Variants in ZNF208 observed in about 807,000 individuals in gnomAD.
The protein encoded by ZNF208 is zinc finger protein 95.
A neutral mutation model predicts 12.1 loss-of-function variants in ZNF208; 10 were observed. The observed-to-expected ratio is 0.83, with a 90% CI of 0.51 to 1.40. The LOEUF (loss-of-function observed/expected upper bound fraction) is 1.40. Ranked by LOEUF, ZNF208 falls within the 40% of genes most tolerant of loss-of-function variation. The pLI, the probability that ZNF208 is intolerant of heterozygous loss-of-function variation, is 0.00. For synonymous variants in ZNF208, 497 were observed against 488.4 expected, an observed-to-expected ratio of 1.02 and a Z score of -0.23; for missense variants, 1,652 against 1,485.0, an observed-to-expected ratio of 1.11 and a Z score of -1.85.
At chr19:22,006,531 T>C (rs1483778456) in intron 1 of ZNF208, among the ~76,000 whole-genome samples, 1 of 152,194 alleles carries the variant, frequency 6.6e-6, no homozygotes, top group Non-Finnish European at 1.5e-5. Context: ...TAACCTTAAC[T>C]GCATCTGCCT....
downstream of ZNF208, chr19:21,966,010 A>C (rs1390220274): frequency 6.6e-6 from 1 of 152,052 alleles, no homozygotes; most frequent in Non-Finnish European, 1.5e-5. Flanking sequence ...AGAAACATTC[A>C]CCACCATGCC....
intron 4 of ZNF208, chr19:21,940,314 T>A (rs577563213): frequency 5.9e-5 from 9 of 152,318 alleles, no homozygotes; most frequent in Non-Finnish European, 1.0e-4. Flanking sequence ...TATTATTGTT[T>A]AGTTGATAGA....
chr19:21,992,009 G>A (rs1254256470), intron 1 of ZNF208, among the ~76,000 whole-genome samples: 3 of 150,944 alleles, frequency 2.0e-5, no homozygotes, highest in African/African-American at 7.4e-5. Context: ...GTAATTGAAT[G>A]AGCCTGTGTT....
rs140868022 is a variant in ZNF208 at position 21,990,032 on chromosome 19, T to C, written c.4-1123A>G. On this transcript the variant is annotated intron_variant, in intron 1 of 3. Transcript: ENST00000397126. ...CGAAAATTTTCTCCTGTTTTGTAGG[T>C]TGCCTGTTCACTCTGATGGTAGTTT... Among the ~76,000 whole-genome samples, 236 of 152,288 alleles carry C rather than the reference T, an allele frequency of 1.5e-3. 3 individuals carry two copies. Among genetic ancestry groups the C allele is most frequent in the African/African-American group, 5.2e-3 (216 of 41,562 alleles).
In ZNF208 at chr19:21,974,211, G is replaced by A. The variant is rs772978259; in HGVS notation, c.823C>T (p.His275Tyr). 21 of 1,602,424 alleles carry A rather than the reference G, an allele frequency of 1.3e-5. No homozygotes were observed. In the East Asian group the frequency reaches 4.3e-4, roughly 32 times the overall value. Residue 275 changes from histidine (H) to tyrosine (Y), a missense_variant, in exon 4 of 4, where the codon CAT (histidine) becomes TAT (tyrosine). By Grantham distance (83) the His-to-Tyr change is moderately conservative. Transcript: ENST00000397126. ...AFNQSAILTK[H>Y]KIIHTGEKPN... ...TTCTCTCCAGTATGAATTATCTTAT[G>A]TTTAGTAAGGATTGCAGATTGGTTA...
chr19:21,993,340 T>C (rs757845786), intron 1 of ZNF208, among the ~76,000 whole-genome samples: 2 of 151,952 alleles, frequency 1.3e-5, no homozygotes, highest in African/African-American at 2.4e-5. Context: ...CTCTCATGAA[T>C]GTATTTTGAA....
At chr19:21,998,679 A>AC (rs889708080) in intron 1 of ZNF208, 1 of 151,332 alleles carries the variant, frequency 6.6e-6, no homozygotes, top group Non-Finnish European at 1.5e-5. Context: ...CAGGTGATCC[A>AC]CCCCCCTTGG....
intron 1 of ZNF208, among the ~76,000 whole-genome samples, chr19:22,000,747 C>T (rs903384639): frequency 4.0e-5 from 6 of 151,626 alleles, no homozygotes; most frequent in African/African-American, 1.5e-4. Flanking sequence ...TGAAAAATTA[C>T]AAAATATCAA....
intron 3 of ZNF208, among the ~76,000 whole-genome samples, chr19:21,976,698 T>C (rs1458900321): frequency 1.3e-5 from 2 of 152,248 alleles, no homozygotes; most frequent in East Asian, 3.9e-4. Context: ...GTAGCTGGGA[T>C]TACAGGCATG....
intron 4 of ZNF208, among the ~76,000 whole-genome samples, chr19:21,944,431 C>A (rs956147644): frequency 1.3e-5 from 2 of 152,154 alleles, no homozygotes; most frequent in African/African-American, 4.8e-5. Context: ...TCATCAAATT[C>A]TTATTTTGGC....
At position 21,968,513 on chromosome 19, in the gene ZNF208, A is replaced by G. The variant is rs1970214063; in HGVS notation, c.*2678T>C. The G allele has an allele frequency of 6.6e-6, 1 of 152,060 alleles. No homozygotes were observed. Among genetic ancestry groups the G allele is most frequent in the African/African-American group, 2.4e-5 (1 of 41,414 alleles). 9.4% of individuals were successfully genotyped at this position (152,060 alleles called of 1,614,324 possible). A position where few individuals can be genotyped will look rare whatever the true frequency, so the allele number is the denominator to read the frequency against. Reference sequence around the variant, plus strand: ...CACTTATTGACTTCCATATCATGAAACACCTTCATATATATGGAAAAGCTC... The same window carrying G: ...CACTTATTGACTTCCATATCATGAAGCACCTTCATATATATGGAAAAGCTC... On this transcript the variant is annotated 3_prime_UTR_variant, in exon 4 of 4. Transcript: ENST00000397126.
downstream of ZNF208, among the ~76,000 whole-genome samples, chr19:21,964,135 C>G (rs1599608073): frequency 1.3e-5 from 2 of 151,860 alleles, no homozygotes; most frequent in Non-Finnish European, 3.0e-5. Flanking sequence ...ATCAAAAATA[C>G]TACTAATACT....
At chr19:21,982,577 C>T (rs139733369) in intron 3 of ZNF208, among the ~76,000 whole-genome samples, 75 of 152,082 alleles carry the variant, frequency 4.9e-4, no homozygotes, top group African/African-American at 1.7e-3. Flanking sequence ...GCAAAAAGAA[C>T]AAAGCTGGAG....
At chr19:21,949,078 G>A (rs1263733289) in intron 4 of ZNF208, among the ~76,000 whole-genome samples, 3 of 152,108 alleles carry the variant, frequency 2.0e-5, no homozygotes, top group African/African-American at 7.2e-5. Context: ...TTTTGAAAAG[G>A]CTGAGAAAAA....
At chr19:22,003,483 G>GA (rs981021419) in intron 1 of ZNF208, among the ~76,000 whole-genome samples, 10 of 131,062 alleles carry the variant, frequency 7.6e-5, no homozygotes, top group African/African-American at 2.9e-4. Flanking sequence ...AAGTTTACAA[G>GA]AAAAAAAAAC....
downstream of ZNF208, among the ~76,000 whole-genome samples, chr19:21,961,767 T>A (rs1970074795): frequency 6.7e-6 from 1 of 149,760 alleles, no homozygotes; most frequent in Non-Finnish European, 1.5e-5. Flanking sequence ...CATGTCCATT[T>A]GTAGGCTCTC....
At chr19:22,008,003 TA>T (rs139821713) in intron 1 of ZNF208, among the ~76,000 whole-genome samples, 151 of 99,126 alleles carry the variant, frequency 1.5e-3, no homozygotes, top group Middle Eastern at 0.018. Context: ...AGCACTGTCT[TA>T]AAAAAAAAAA....
intron 4 of ZNF208, among the ~76,000 whole-genome samples, chr19:21,953,550 C>G (rs1969926115): frequency 6.6e-6 from 1 of 152,140 alleles, no homozygotes; most frequent in South Asian, 2.1e-4. Context: ...ATTTCATGTC[C>G]AGCCAAACTA....
intron 1 of ZNF208, among the ~76,000 whole-genome samples, chr19:21,994,842 C>T (rs1324804304): frequency 2.6e-5 from 4 of 151,954 alleles, no homozygotes; most frequent in Non-Finnish European, 5.9e-5. Context: ...TTGTACATAT[C>T]TATTTATTGT....
Sources: gnomAD v4.1 joint callset for allele counts (sites outside exome capture counted in the v4.1 genomes callset) on GRCh38, gnomAD v4.1.1 for gene constraint, MANE v1.5 for transcripts, NCBI Gene and HGNC (gene_info 2026-07-23, HGNC 2026-07-21) for gene names.